TMEM164: variants seen among roughly 807,000 people sequenced by gnomAD.
TMEM164 encodes RP13-360B22.2.
A neutral mutation model predicts 18.8 loss-of-function variants in TMEM164; 4 were observed. The ratio of observed to expected loss-of-function variants is 0.21; its 90% CI spans 0.10 to 0.49. The LOEUF is 0.49. TMEM164 is among the 20% of genes least tolerant of loss of function. TMEM164 has a pLI of 0.98. For synonymous variants in TMEM164, 86 were observed against 101.7 expected (o/e 0.85, Z 0.93); for missense variants, 108 against 239.9 (o/e 0.45, Z 3.63).
chrX:110,003,769 T>C lies in TMEM164; in HGVS notation c.-6T>C, dbSNP rs369503578. The C allele has an allele frequency of 2.5e-4, 296 of 1,188,308 alleles. No individual in the cohort carries two copies. Among genetic ancestry groups the C allele is most frequent in the Non-Finnish European group, 3.3e-4 (290 of 885,028 alleles). On this transcript the variant is annotated 5_prime_UTR_variant, in exon 2 of 7. Coordinates refer to ENST00000372068, the MANE Select transcript of TMEM164 (RefSeq NM_032227.4). ...CTGTACTGTGGTCAAGGGGAACCAC[T>C]GCATCATGTCCCGGTATAGCTACCA...
At chrX:110,061,084 G>A (rs1366397769) in intron 2 of TMEM164, among the ~76,000 whole-genome samples, 1 of 112,194 alleles carries the variant, frequency 8.9e-6, no homozygotes, top group Non-Finnish European at 1.9e-5. Flanking sequence ...TTGCAAACAT[G>A]GAATTAAAAC....
intron 2 of TMEM164, among the ~76,000 whole-genome samples, chrX:110,034,054 G>A (rs188185067): frequency 5.4e-5 from 6 of 111,385 alleles, no homozygotes; most frequent in East Asian, 2.8e-4. Context: ...ATTCAGAGGC[G>A]GAAGACTGAA....
chrX:110,122,127 T>G (rs772148289), intron 4 of TMEM164, among the ~76,000 whole-genome samples: 1 of 109,903 alleles, frequency 9.1e-6, no homozygotes, highest in Admixed American at 9.8e-5. Flanking sequence ...CATGCACATG[T>G]ATGTTTATTG....
chrX:110,156,169 G>T (rs187022674), intron 5 of TMEM164, among the ~76,000 whole-genome samples: 2 of 111,890 alleles, frequency 1.8e-5, no homozygotes, highest in Admixed American at 1.9e-4. Flanking sequence ...TTGAAACCTG[G>T]CAAACTTCGT....
intron 5 of TMEM164, among the ~76,000 whole-genome samples, chrX:110,145,669 C>T (rs2066843036): frequency 2.7e-5 from 3 of 112,130 alleles, no homozygotes; most frequent in South Asian, 7.4e-4. Flanking sequence ...TACCTCACTC[C>T]AGGCAGCAAG....
intron 3 of TMEM164, among the ~76,000 whole-genome samples, chrX:110,088,914 A>G (rs1025255858): frequency 2.7e-5 from 3 of 112,116 alleles, no homozygotes; most frequent in East Asian, 2.8e-4. Flanking sequence ...CTGTGGAAAC[A>G]TGGAAAGCAG....
chrX:110,118,051 C>A (rs947558037), intron 4 of TMEM164, among the ~76,000 whole-genome samples: 2 of 111,737 alleles, frequency 1.8e-5, no homozygotes, highest in African/African-American at 6.5e-5. Flanking sequence ...TAGCTGGGGT[C>A]ACAGGCATGC....
At chrX:110,109,855 G>A (rs1277375050) in intron 4 of TMEM164, among the ~76,000 whole-genome samples, 2 of 112,216 alleles carry the variant, frequency 1.8e-5, no homozygotes, top group African/African-American at 6.5e-5. Flanking sequence ...CATGTCCTCA[G>A]ACTCCCAAAT....
chrX:110,084,379 T>TATATATATATAGTATAGTTATATATATA (rs1228632082), intron 3 of TMEM164, among the ~76,000 whole-genome samples: 1 of 35,649 alleles, frequency 2.8e-5, no homozygotes, highest in South Asian at 1.9e-3. Flanking sequence ...ATATATATAG[T>TATATATATATAGTATAGTTATATATATA]GTATATATAT....
chrX:110,119,524 T>C (rs1367971900), intron 4 of TMEM164, among the ~76,000 whole-genome samples: 2 of 112,144 alleles, frequency 1.8e-5, no homozygotes, highest in Non-Finnish European at 3.8e-5. Flanking sequence ...TTACATATTC[T>C]GGAAGTCTTT....
At chrX:110,056,576 CAT>C (rs1369477958) in intron 2 of TMEM164, among the ~76,000 whole-genome samples, 2 of 111,829 alleles carry the variant, frequency 1.8e-5, no homozygotes, top group Non-Finnish European at 3.8e-5. Flanking sequence ...ATTGCTGAGT[CAT>C]ATGATAACTC....
At chrX:110,107,668 C>CTCCCT (rs1223621809) in intron 3 of TMEM164, among the ~76,000 whole-genome samples, 2 of 105,619 alleles carry the variant, frequency 1.9e-5, no homozygotes, top group Admixed American at 1.0e-4. Context: ...CTCCCCTCCC[C>CTCCCT]TCCCTTCCCC....
At chrX:110,117,713 C>T (rs1403702163) in intron 4 of TMEM164, among the ~76,000 whole-genome samples, 1 of 112,165 alleles carries the variant, frequency 8.9e-6, no homozygotes, top group Admixed American at 9.4e-5. Flanking sequence ...TGAAAAGTAA[C>T]TCAGAGGACT....
At chrX:110,098,895 G>A (rs1471643862) in intron 3 of TMEM164, among the ~76,000 whole-genome samples, 4 of 104,054 alleles carry the variant, frequency 3.8e-5, no homozygotes, top group Non-Finnish European at 5.8e-5. Context: ...CCATTCTGCT[G>A]TCTCAGCCTT....
At chrX:110,129,621 G>A (rs1386664841) in intron 4 of TMEM164, among the ~76,000 whole-genome samples, 1 of 112,758 alleles carries the variant, frequency 8.9e-6, no homozygotes, top group Non-Finnish European at 1.9e-5. Context: ...GATGTTTTCA[G>A]TGGTAGATTT....
intron 4 of TMEM164, 100 bp downstream of exon 4, chrX:110,109,246 G>A (rs770311649): frequency 2.0e-4 from 163 of 815,861 alleles, no homozygotes; most frequent in Non-Finnish European, 2.8e-4. Context: ...GGCCAGGCGC[G>A]GTGGCTCACA....
At chrX:110,150,316 A>G (rs961770252) in intron 5 of TMEM164, among the ~76,000 whole-genome samples, 2 of 111,686 alleles carry the variant, frequency 1.8e-5, no homozygotes, top group Non-Finnish European at 3.8e-5. Context: ...TGGGGAGCAC[A>G]AGGGGAGTGG....
At chrX:110,113,526 A>C (rs2066320025) in intron 4 of TMEM164, among the ~76,000 whole-genome samples, 1 of 112,159 alleles carries the variant, frequency 8.9e-6, no homozygotes, top group South Asian at 3.7e-4. Flanking sequence ...TTATCTTTTT[A>C]ATTATTTTAT....
At chrX:110,029,228 C>T (rs979667691) in intron 2 of TMEM164, among the ~76,000 whole-genome samples, 10 of 111,610 alleles carry the variant, frequency 9.0e-5, no homozygotes, top group Admixed American at 1.9e-4. Context: ...AGGCTTTTGT[C>T]GTTATTGAAA....
Sources: gnomAD v4.1 joint callset for allele counts (sites outside exome capture counted in the v4.1 genomes callset) on GRCh38, gnomAD v4.1.1 for gene constraint, MANE v1.5 for transcripts, NCBI Gene and HGNC (gene_info 2026-07-23, HGNC 2026-07-21) for gene names.